Variants in PDCD6IP observed in about 807,000 individuals in gnomAD.
The protein encoded by PDCD6IP is programmed cell death 6 interacting protein.
PDCD6IP carries 43 observed loss-of-function variants against 103.7 expected under a neutral mutation model. The ratio of observed to expected loss-of-function variants is 0.41; its 90% CI spans 0.32 to 0.53. PDCD6IP has a LOEUF of 0.53. Ranked by LOEUF, PDCD6IP falls within the 20% of genes least tolerant of loss-of-function variation. PDCD6IP has a pLI of 0.16. For missense variants in PDCD6IP, 871 were observed against 1,036.7 expected (o/e 0.84, Z 2.20); for synonymous variants, 354 against 378.7 (o/e 0.93, Z 0.76).
chr3:33,803,359 T>TA (rs1696517857), intron 1 of PDCD6IP, among the ~76,000 whole-genome samples: 1 of 152,250 alleles, frequency 6.6e-6, no homozygotes, highest in African/African-American at 2.4e-5. Context: ...GGGTGAGAGA[T>TA]AGTACCTTTA....
chr3:33,814,598 A>G (rs1696794627), intron 3 of PDCD6IP, among the ~76,000 whole-genome samples: 1 of 133,430 alleles, frequency 7.5e-6, no homozygotes, highest in Non-Finnish European at 1.6e-5. Context: ...TTATATGTAT[A>G]TATGTATTAT....
rs1698102792 is a variant in PDCD6IP at position 33,867,948 on chromosome 3, G to T, written c.*1423G>T. The T allele has an allele frequency of 6.6e-6, 1 of 152,192 alleles. No individual in the cohort carries two copies. Among genetic ancestry groups the T allele is most frequent in the Admixed American group, 6.5e-5 (1 of 15,282 alleles). The allele number at this position is 152,192 out of a possible 1,614,324, so 9.4% of individuals were successfully genotyped here. On this transcript the variant is annotated 3_prime_UTR_variant, in exon 18 of 18. Coordinates refer to ENST00000307296, the MANE Select transcript of PDCD6IP (RefSeq NM_013374.6). Reference sequence around the variant, plus strand: ...ATTTTAAATGTTCGAATGAAAGTATGATTGTAAAAGGGAGTGAATTGGTTT... The same window carrying T: ...ATTTTAAATGTTCGAATGAAAGTATTATTGTAAAAGGGAGTGAATTGGTTT...
intron 9 of PDCD6IP, among the ~76,000 whole-genome samples, chr3:33,840,002 A>G (rs1427532373): frequency 6.6e-6 from 1 of 152,146 alleles, no homozygotes; most frequent in African/African-American, 2.4e-5. Context: ...CCTTTGTCAG[A>G]TACATATAAT....
chr3:33,836,481 G>C (rs1575926501), intron 8 of PDCD6IP, among the ~76,000 whole-genome samples: 1 of 152,130 alleles, frequency 6.6e-6, no homozygotes, highest in Non-Finnish European at 1.5e-5. Flanking sequence ...ATAGTTAGAA[G>C]ACTTGAAACT....
At chr3:33,808,862 C>T (rs1478417417) in intron 1 of PDCD6IP, among the ~76,000 whole-genome samples, 1 of 152,202 alleles carries the variant, frequency 6.6e-6, no homozygotes, top group African/African-American at 2.4e-5. Flanking sequence ...GACTTCATCA[C>T]TTACTATTTT....
In PDCD6IP at chr3:33,866,598, A is replaced by C; in HGVS notation, c.*73A>C. ...ACCAACCCTGCAATAAGTGTACTAAACTCTACGCTCTGGTTAATGTAATGT... is the reference window on the plus strand; with the variant it reads ...ACCAACCCTGCAATAAGTGTACTAACCTCTACGCTCTGGTTAATGTAATGT... On this transcript the variant is annotated 3_prime_UTR_variant, in exon 18 of 18. Coordinates refer to ENST00000307296, the MANE Select transcript of PDCD6IP (RefSeq NM_013374.6). 8.1e-7 allele frequency: 1 copy of C among 1,227,776 alleles called. No individual in the cohort carries two copies. Among genetic ancestry groups the C allele is most frequent in the African/African-American group, 1.5e-5 (1 of 65,764 alleles). The allele number at this position is 1,227,776 out of a possible 1,614,324, so 76.1% of individuals were successfully genotyped here.
In PDCD6IP at chr3:33,865,317, TCC is replaced by T. The variant is rs765240102; in HGVS notation, c.2320_2321del (p.Pro774IlefsTer48). On this transcript the variant is annotated frameshift_variant, in exon 17 of 18. Transcript: ENST00000307296. LOFTEE classifies it high-confidence loss of function. ...PANRAPSATAPSPVGAGTAAP... is the reference protein window; with the variant it reads ...PANRAPSATAXSPVGAGTAAP... ...CAAATCGAGCTCCTTCTGCTACTGC[TCC>T]ATCTCCAGTGGGGGCTGGGACTGCT... 2 of 1,594,802 alleles carry T rather than the reference TCC, an allele frequency of 1.3e-6. No homozygotes were observed. The highest frequency in any genetic ancestry group is 4.7e-5 in the East Asian group (2 of 42,612).
intron 5 of PDCD6IP, 23 bp from the exon 6 acceptor site, chr3:33,826,457 A>T: frequency 6.6e-7 from 1 of 1,525,916 alleles, no homozygotes; most frequent in Non-Finnish European, 9.0e-7. Context: ...TATTTTAATT[A>T]TAATGGTCAT....
At chr3:33,811,951 A>G (rs1696728999) in intron 1 of PDCD6IP, 121 bp from the exon 2 acceptor site, 3 of 1,325,812 alleles carry the variant, frequency 2.3e-6, no homozygotes, top group Admixed American at 3.9e-5. Context: ...ACTTTTTTTC[A>G]TATAAAATAG....
Position 33,845,456 on chromosome 3 carries a change from G to T in PDCD6IP, c.1509G>T (p.Val503=). The change falls in exon 12 of 18, where the codon GTG becomes GTT. Residue 503 remains valine, a synonymous_variant. Coordinates refer to ENST00000307296, the MANE Select transcript of PDCD6IP (RefSeq NM_013374.6). ...TCAGAACAGTTTTAGATAAAGCTGT[G>T]CAGGCAGATGGACAAGTGAAAGAAT... The part of the protein sequence containing the change: ...TNFRTVLDKA[V]QADGQVKECY... 1.2e-6 allele frequency: 2 copies of T among 1,614,002 alleles called. No individual in the cohort carries two copies. The highest frequency in any genetic ancestry group is 1.6e-4 in the Middle Eastern group (1 of 6,062).
chr3:33,858,227 A>G (rs919107683), intron 15 of PDCD6IP, among the ~76,000 whole-genome samples: 19 of 152,238 alleles, frequency 1.2e-4, no homozygotes, highest in South Asian at 2.1e-4. Flanking sequence ...TATGAGACCT[A>G]TGTGAAGAAA....
At chr3:33,836,401 GAATA>G (rs1169798352) in intron 8 of PDCD6IP, 135 bp downstream of exon 8, 1 of 605,660 alleles carries the variant, frequency 1.7e-6, no homozygotes, top group Non-Finnish European at 3.0e-6. Flanking sequence ...ATGAATATGA[GAATA>G]AATATTGTGC....
At chr3:33,829,251 GTC>G (rs745511055) in intron 7 of PDCD6IP, among the ~76,000 whole-genome samples, 4 of 151,346 alleles carry the variant, frequency 2.6e-5, no homozygotes, top group Non-Finnish European at 5.9e-5. Context: ...GATTGTTTTT[GTC>G]TTTAGACTTT....
chr3:33,842,654 G>C (rs1415386574), intron 10 of PDCD6IP, among the ~76,000 whole-genome samples: 1 of 151,986 alleles, frequency 6.6e-6, no homozygotes, highest in Non-Finnish European at 1.5e-5. Context: ...AATAGTTTCA[G>C]ATTTACAGAG....
chr3:33,834,102 C>G (rs1697296589), intron 7 of PDCD6IP, among the ~76,000 whole-genome samples: 1 of 152,238 alleles, frequency 6.6e-6, no homozygotes, highest in Non-Finnish European at 1.5e-5. Context: ...TTCTCTCTTT[C>G]TGCTCCCCCT....
At chr3:33,812,220 G>A in intron 2 of PDCD6IP, 94 bp downstream of exon 2, 2 of 1,459,358 alleles carry the variant, frequency 1.4e-6, no homozygotes, top group Non-Finnish European at 1.8e-6. Flanking sequence ...ATGAGATAGT[G>A]TTATAAAAAT....
chr3:33,830,045 A>G (rs771861195), intron 7 of PDCD6IP, among the ~76,000 whole-genome samples: 10 of 151,942 alleles, frequency 6.6e-5, no homozygotes, highest in Non-Finnish European at 1.3e-4. Context: ...TGACCTAATC[A>G]CCTCTTATTA....
Position 33,869,524 on chromosome 3 carries a change from A to G in PDCD6IP, c.*2999A>G, listed in dbSNP as rs563436788. The G allele has an allele frequency of 1.3e-5, 2 of 152,320 alleles. No homozygotes were observed. Among genetic ancestry groups the G allele is most frequent in the East Asian group, 3.9e-4 (2 of 5,190 alleles). The allele number at this position is 152,320 out of a possible 1,614,324, so 9.4% of individuals were successfully genotyped here. ...AGGCTTTATTTCTGGTATGAAGTTT[A>G]TATTTTTTAAAAAAATCCTATATTA... is the stretch of plus-strand genomic sequence containing the variant. On this transcript the variant is annotated 3_prime_UTR_variant, in exon 18 of 18. Coordinates refer to ENST00000307296, the MANE Select transcript of PDCD6IP (RefSeq NM_013374.6).
At chr3:33,860,942 T>G (rs1383819603) in intron 15 of PDCD6IP, among the ~76,000 whole-genome samples, 2 of 151,844 alleles carry the variant, frequency 1.3e-5, no homozygotes, top group African/African-American at 2.4e-5. Context: ...ATCTATATGG[T>G]GAAGTACTAT....
Sources: allele counts gnomAD v4.1 joint callset (sites outside exome capture counted in the v4.1 genomes callset), GRCh38; gene constraint gnomAD v4.1.1; transcripts MANE v1.5; gene names NCBI Gene and HGNC (gene_info 2026-07-23, HGNC 2026-07-21).